Variants in ARAP2 observed in about 807,000 individuals in gnomAD.
The protein encoded by ARAP2 is arf-GAP with Rho-GAP domain, ANK repeat and PH domain-containing protein 2.
Under a neutral mutation model 194.5 loss-of-function variants are expected in ARAP2, and 148 were observed. The observed-to-expected ratio is 0.76, with a 90% CI of 0.67 to 0.87. The LOEUF is 0.87. Among genes scored for constraint, ARAP2 ranks in the 40% least tolerant of loss-of-function variants. ARAP2 has a pLI of 0.00. For missense variants in ARAP2, 2,128 were observed against 1,989.7 expected, an observed-to-expected ratio of 1.07 and a Z score of -1.32; for synonymous variants, 695 against 683.5, an observed-to-expected ratio of 1.02 and a Z score of -0.26.
intron 5 of ARAP2, among the ~76,000 whole-genome samples, chr4:36,031,666 C>CTTTTTTTTTTTTTTTTT (rs67436021): frequency 6.8e-6 from 1 of 146,228 alleles, no homozygotes; most frequent in Non-Finnish European, 1.5e-5. Flanking sequence ...GATTTAAAAT[C>CTTTTTTTTTTTTTTTTT]TTTTTTTTTT....
At chr4:36,200,750 T>G (rs990751853) in intron 6 of ARAP2, among the ~76,000 whole-genome samples, 3 of 152,210 alleles carry the variant, frequency 2.0e-5, no homozygotes, top group African/African-American at 7.2e-5. Context: ...TCAATACTCC[T>G]CTCATGTGTT....
At chr4:36,138,951 G>C (rs1347491923) in intron 19 of ARAP2, among the ~76,000 whole-genome samples, 1 of 151,486 alleles carries the variant, frequency 6.6e-6, no homozygotes, top group East Asian at 1.9e-4. Context: ...TGTGCTTGTT[G>C]GCTATTCATA....
At chr4:36,227,427 T>C (rs1750574196) in intron 2 of ARAP2, among the ~76,000 whole-genome samples, 1 of 152,018 alleles carries the variant, frequency 6.6e-6, no homozygotes, top group South Asian at 2.1e-4. Context: ...TTAATTAGAG[T>C]CTCTGCCATC....
intron 1 of ARAP2, among the ~76,000 whole-genome samples, chr4:36,235,744 G>A (rs776669737): frequency 7.2e-5 from 11 of 152,164 alleles, no homozygotes; most frequent in South Asian, 4.1e-4. Flanking sequence ...AGTATGGAGC[G>A]GATTGATTTC....
downstream of ARAP2, among the ~76,000 whole-genome samples, chr4:36,061,852 G>A (rs1724496425): frequency 6.6e-6 from 1 of 151,978 alleles, no homozygotes; most frequent in African/African-American, 2.4e-5. Flanking sequence ...TTTTAACTTA[G>A]GTGAGATGAT....
At chr4:36,057,192 G>T (rs1276864642) in intron 2 of ARAP2, among the ~76,000 whole-genome samples, 2 of 150,230 alleles carry the variant, frequency 1.3e-5, no homozygotes, top group Non-Finnish European at 3.0e-5. Flanking sequence ...TTTAATAATT[G>T]TAATTGTTTT....
chr4:36,094,561 T>G (rs959543), intron 27 of ARAP2, among the ~76,000 whole-genome samples: 25,051 of 152,050 alleles, frequency 0.16, 4,771 homozygotes, highest in African/African-American at 0.46. Flanking sequence ...TGTTTGGCAC[T>G]GTGGTAGAGG....
At chr4:36,039,641 C>T (rs1332078517) in intron 5 of ARAP2, among the ~76,000 whole-genome samples, 5 of 152,166 alleles carry the variant, frequency 3.3e-5, no homozygotes, top group East Asian at 1.9e-4. Flanking sequence ...AGCCTTGTGA[C>T]GATCATTTGA....
chr4:36,134,749 CACACACACACA>C, intron 19 of ARAP2, among the ~76,000 whole-genome samples: 1 of 139,710 alleles, frequency 7.2e-6, no homozygotes, highest in Admixed American at 7.2e-5. Flanking sequence ...CACACACACA[CACACACACACA>C]CCCTCCTGGA....
intron 22 of ARAP2, 103 bp downstream of exon 22, chr4:36,124,759 G>A: frequency 3.1e-6 from 2 of 639,098 alleles, no homozygotes; most frequent in Non-Finnish European, 5.3e-6. Flanking sequence ...AGAGACTAAG[G>A]TGAGTTCTTA....
At chr4:36,088,321 C>T (rs1361078995) in intron 28 of ARAP2, among the ~76,000 whole-genome samples, 1 of 152,068 alleles carries the variant, frequency 6.6e-6, no homozygotes, top group Non-Finnish European at 1.5e-5. Flanking sequence ...ACAATTCTAT[C>T]AGATTCAGTT....
intron 10 of ARAP2, among the ~76,000 whole-genome samples, chr4:36,166,298 T>C (rs1735273528): frequency 6.6e-6 from 1 of 152,158 alleles, no homozygotes. Context: ...CAAAAGATGT[T>C]GACTTATGCC....
intron 2 of ARAP2, among the ~76,000 whole-genome samples, chr4:36,226,166 C>T (rs905931686): frequency 2.7e-5 from 4 of 149,626 alleles, no homozygotes; most frequent in African/African-American, 7.5e-5. Context: ...AAAAAAAAAA[C>T]AGTGCTATGA....
At chr4:36,108,426 T>A (rs1217075329) in intron 26 of ARAP2, among the ~76,000 whole-genome samples, 1 of 151,916 alleles carries the variant, frequency 6.6e-6, no homozygotes, top group East Asian at 1.9e-4. Flanking sequence ...CAATACAAAA[T>A]TATAAAATGT....
intron 1 of ARAP2, among the ~76,000 whole-genome samples, chr4:36,239,593 T>C (rs1173998774): frequency 1.3e-5 from 2 of 152,184 alleles, no homozygotes; most frequent in Admixed American, 6.5e-5. Context: ...TCATAGAAAG[T>C]AGAACCATGA....
chr4:36,124,863 T>C lies in ARAP2; in HGVS notation c.3745A>G (p.Arg1249Gly). ...AGAAAAGTTCATTCATCTACCCACC[T>C]ATACAGGTGTTCAATGATAGCTGCT... ...TLAAIIEHLY[R>G]VQKCSEINHM... Residue 1249 changes from arginine to glycine, a missense_variant and splice_region_variant, in exon 22 of 33, where the codon AGG (arginine) becomes GGG (glycine). Arg to Gly is a moderately radical substitution (Grantham distance 125). Transcript: ENST00000303965. 1 of 1,595,924 alleles carries C rather than the reference T, an allele frequency of 6.3e-7. No individual in the cohort carries two copies.
intron 27 of ARAP2, among the ~76,000 whole-genome samples, chr4:36,094,481 G>A (rs1714650861): frequency 6.6e-6 from 1 of 151,882 alleles, no homozygotes; most frequent in African/African-American, 2.4e-5. Flanking sequence ...CAATCTCTTT[G>A]CCTTTAGTTC....
intron 19 of ARAP2, among the ~76,000 whole-genome samples, chr4:36,141,703 T>G (rs1333039737): frequency 6.6e-6 from 1 of 151,684 alleles, no homozygotes; most frequent in East Asian, 1.9e-4. Context: ...TTCATTAAAT[T>G]TATGTATGAT....
intron 1 of ARAP2, among the ~76,000 whole-genome samples, chr4:36,237,565 C>G (rs147261584): frequency 1.9e-4 from 29 of 152,286 alleles, no homozygotes; most frequent in African/African-American, 6.5e-4. Flanking sequence ...CTGGCACCTC[C>G]TCCATCTCTT....
Sources: gnomAD v4.1 joint callset for allele counts (sites outside exome capture counted in the v4.1 genomes callset) on GRCh38, gnomAD v4.1.1 for gene constraint, MANE v1.5 for transcripts, NCBI Gene and HGNC (gene_info 2026-07-23, HGNC 2026-07-21) for gene names.